The following SUPT3H variants were observed in gnomAD, a reference collection of about 807,000 sequenced individuals.
SUPT3H encodes transcription initiation protein SPT3 homolog.
A neutral mutation model predicts 44.3 loss-of-function variants in SUPT3H; 44 were observed. The ratio of observed to expected loss-of-function variants is 0.99; its 90% CI spans 0.78 to 1.28. SUPT3H has a LOEUF of 1.28. Among genes scored for constraint, SUPT3H ranks in the 50% most tolerant of loss-of-function variants. SUPT3H has a pLI of 0.00. For synonymous variants in SUPT3H, 124 were observed against 125.6 expected (o/e 0.99, Z 0.09); for missense variants, 380 against 387.1 (o/e 0.98, Z 0.15).
At chr6:45,026,479 T>A (rs1415647468) in intron 3 of SUPT3H, among the ~76,000 whole-genome samples, 1 of 152,174 alleles carries the variant, frequency 6.6e-6, no homozygotes, top group East Asian at 1.9e-4. Flanking sequence ...ATTGTGTCCC[T>A]AATTTGTGCC....
At chr6:45,051,854 T>C (rs1051831034) in intron 3 of SUPT3H, among the ~76,000 whole-genome samples, 1 of 152,178 alleles carries the variant, frequency 6.6e-6, no homozygotes, top group African/African-American at 2.4e-5. Flanking sequence ...ATACTCTAAA[T>C]TGAAGTTACA....
intron 2 of SUPT3H, among the ~76,000 whole-genome samples, chr6:45,173,544 C>T (rs977219123): frequency 1.4e-4 from 21 of 152,186 alleles, no homozygotes; most frequent in Non-Finnish European, 1.5e-5. Context: ...ATCTCTTTTT[C>T]CTAAGAAAGC....
In SUPT3H at chr6:44,989,565, T is replaced by C. The variant is rs571180912; in HGVS notation, c.504+14088A>G. The stretch of plus-strand genomic sequence containing the variant: ...CATCTGATAGTCTACTTTTAACTTT[T>C]TGAGGAACTTCCATGCTGTTTTCCG... On this transcript the variant is annotated intron_variant, in intron 6 of 10. Coordinates refer to ENST00000371459, the MANE Select transcript of SUPT3H (RefSeq NM_003599.4). Among the ~76,000 whole-genome samples, 7 of 152,262 alleles carry C rather than the reference T, an allele frequency of 4.6e-5. No individual in the cohort carries two copies. The South Asian group carries it at 1.0e-3, about 23-fold the overall frequency.
intron 2 of SUPT3H, among the ~76,000 whole-genome samples, chr6:45,277,192 T>C (rs1315572588): frequency 1.3e-5 from 2 of 152,214 alleles, no homozygotes; most frequent in African/African-American, 4.8e-5. Context: ...TTATTATTAG[T>C]TAAGATAAAT....
chr6:45,117,114 TA>T (rs769680152), intron 2 of SUPT3H, among the ~76,000 whole-genome samples: 8 of 151,366 alleles, frequency 5.3e-5, no homozygotes, highest in African/African-American at 1.5e-4. Flanking sequence ...AAGTTTTCAT[TA>T]AAAAAAAAGT....
intron 2 of SUPT3H, among the ~76,000 whole-genome samples, chr6:45,173,390 C>A (rs1488982239): frequency 6.6e-6 from 1 of 152,166 alleles, no homozygotes. Flanking sequence ...GAGTATATAT[C>A]AGGCACTGTG....
intron 2 of SUPT3H, among the ~76,000 whole-genome samples, chr6:45,277,498 C>T (rs1210812886): frequency 1.3e-5 from 2 of 152,128 alleles, no homozygotes; most frequent in Non-Finnish European, 2.9e-5. Flanking sequence ...TAGCCATAAA[C>T]TTTCCACCAC....
chr6:44,921,544 A>C (rs946067238), intron 10 of SUPT3H, among the ~76,000 whole-genome samples: 4 of 152,232 alleles, frequency 2.6e-5, no homozygotes, highest in African/African-American at 9.6e-5. Flanking sequence ...TTCAGAGAAA[A>C]GCACAGTGTA....
chr6:44,839,857 A>G (rs1366642473), intron 10 of SUPT3H, among the ~76,000 whole-genome samples: 2 of 152,122 alleles, frequency 1.3e-5, no homozygotes, highest in East Asian at 1.9e-4. Context: ...GCCCGCCACC[A>G]CGCCCGGCTA....
intron 10 of SUPT3H, among the ~76,000 whole-genome samples, chr6:44,883,111 T>G (rs1205478734): frequency 6.6e-6 from 1 of 152,190 alleles, no homozygotes; most frequent in African/African-American, 2.4e-5. Flanking sequence ...TGTTTGCAGG[T>G]GACATGATTG....
chr6:45,315,828 C>T (rs558770945), intron 2 of SUPT3H, among the ~76,000 whole-genome samples: 4 of 152,186 alleles, frequency 2.6e-5, no homozygotes, highest in African/African-American at 9.6e-5. Flanking sequence ...TACTTGCACA[C>T]GCATGTTTAT....
rs546838904 is a variant in SUPT3H at position 45,164,159 on chromosome 6, G to C, written c.102-58153C>G. ...GGACAGAGCTGTGGGGGGCAGTGCAGTGTAGTTCAAGTAGCTCCAGCTCTA... is the reference window on the plus strand; with the variant it reads ...GGACAGAGCTGTGGGGGGCAGTGCACTGTAGTTCAAGTAGCTCCAGCTCTA... On this transcript the variant is annotated intron_variant, in intron 2 of 10. Transcript: ENST00000371459. Among the ~76,000 whole-genome samples, 12 of 152,272 alleles carry C rather than the reference G, an allele frequency of 7.9e-5. No homozygotes were observed. The East Asian group carries it at 2.1e-3, about 27-fold the overall frequency.
chr6:45,035,903 GA>G (rs1386613519), intron 3 of SUPT3H, among the ~76,000 whole-genome samples: 8 of 141,516 alleles, frequency 5.7e-5, no homozygotes, highest in South Asian at 2.2e-4. Context: ...GGAAGAGAAA[GA>G]AAAAAAAAAG....
At chr6:45,253,992 T>C (rs1375932050) in intron 2 of SUPT3H, among the ~76,000 whole-genome samples, 2 of 151,204 alleles carry the variant, frequency 1.3e-5, no homozygotes, top group Non-Finnish European at 1.5e-5. Flanking sequence ...TATACCTGTA[T>C]CATTACTGAT....
At chr6:44,951,621 G>C (rs772223261) in intron 9 of SUPT3H, among the ~76,000 whole-genome samples, 2 of 152,100 alleles carry the variant, frequency 1.3e-5, no homozygotes, top group Non-Finnish European at 2.9e-5. Context: ...ACCTCCCAGA[G>C]AGCCCAGGAA....
At chr6:45,021,130 C>G (rs1185581291) in intron 3 of SUPT3H, among the ~76,000 whole-genome samples, 1 of 151,888 alleles carries the variant, frequency 6.6e-6, no homozygotes, top group East Asian at 1.9e-4. Context: ...TTTGGCAAGT[C>G]TTCAGTGGGT....
intron 11 of SUPT3H, among the ~76,000 whole-genome samples, chr6:44,815,643 T>C (rs1766860611): frequency 6.6e-6 from 1 of 152,086 alleles, no homozygotes; most frequent in African/African-American, 2.4e-5. Context: ...CCTAAATGTG[T>C]GTATGTAACT....
chr6:45,293,196 C>A (rs553501691), intron 2 of SUPT3H, among the ~76,000 whole-genome samples: 16 of 152,100 alleles, frequency 1.1e-4, no homozygotes, highest in South Asian at 1.0e-3. Flanking sequence ...TCCAAAGCCA[C>A]GCAAATACAT....
At chr6:45,089,068 T>C (rs183381294) in intron 3 of SUPT3H, among the ~76,000 whole-genome samples, 6 of 152,152 alleles carry the variant, frequency 3.9e-5, no homozygotes, top group Non-Finnish European at 5.9e-5. Flanking sequence ...ATGGAAAATA[T>C]AGTAGCAAGT....
Sources: gnomAD v4.1 joint callset for allele counts (sites outside exome capture counted in the v4.1 genomes callset) on GRCh38, gnomAD v4.1.1 for gene constraint, MANE v1.5 for transcripts, NCBI Gene and HGNC (gene_info 2026-07-23, HGNC 2026-07-21) for gene names.